Variants in FSTL5 observed in about 807,000 individuals in gnomAD.
FSTL5 encodes the protein follistatin like 5.
FSTL5 carries 62 observed loss-of-function variants against 89.1 expected under a neutral mutation model. The ratio of observed to expected loss-of-function variants is 0.70; its 90% CI spans 0.57 to 0.86. FSTL5 has a LOEUF of 0.86. Ranked by LOEUF, FSTL5 falls within the 40% of genes least tolerant of loss-of-function variation. The probability of loss-of-function intolerance (pLI) is 0.00; values close to 1 mark genes in which losing one functional copy is unlikely to be tolerated. For synonymous variants in FSTL5, 383 were observed against 346.2 expected (o/e 1.11, Z -1.18); for missense variants, 1,057 against 1,001.6 (o/e 1.06, Z -0.75).
chr4:162,048,613 A>G (rs1366484475), intron 2 of FSTL5, among the ~76,000 whole-genome samples: 3 of 151,982 alleles, frequency 2.0e-5, no homozygotes, highest in Non-Finnish European at 4.4e-5. Flanking sequence ...ACACACACAC[A>G]CACACACACA....
intron 1 of FSTL5, among the ~76,000 whole-genome samples, chr4:162,139,903 T>C (rs943594618): frequency 6.6e-6 from 1 of 152,086 alleles, no homozygotes; most frequent in African/African-American, 2.4e-5. Flanking sequence ...GTTTTATCTT[T>C]GTCATCAGCA....
intron 1 of FSTL5, among the ~76,000 whole-genome samples, chr4:162,144,159 G>C (rs947943267): frequency 2.0e-5 from 3 of 152,120 alleles, no homozygotes; most frequent in African/African-American, 7.2e-5. Context: ...CTAGAGACTG[G>C]TCTGCGGGAG....
chr4:161,387,440 A>G (rs1178459621), intron 15 of FSTL5: 2 of 152,060 alleles, frequency 1.3e-5, no homozygotes, highest in Non-Finnish European at 2.9e-5. Context: ...GTATTAAGAT[A>G]AAGCAAAACA....
At chr4:161,804,158 C>G (rs899421341) in intron 4 of FSTL5, among the ~76,000 whole-genome samples, 5 of 152,036 alleles carry the variant, frequency 3.3e-5, no homozygotes, top group Non-Finnish European at 5.9e-5. Context: ...TCACATCTCT[C>G]TGATTTCAAC....
At chr4:161,465,624 G>T (rs1171918941) in intron 13 of FSTL5, among the ~76,000 whole-genome samples, 1 of 152,076 alleles carries the variant, frequency 6.6e-6, no homozygotes, top group East Asian at 1.9e-4. Context: ...TGCTAGAAAA[G>T]TTGTTTTCAA....
chr4:161,641,476 T>G (rs2126668376), intron 7 of FSTL5, among the ~76,000 whole-genome samples: 1 of 151,676 alleles, frequency 6.6e-6, no homozygotes, highest in East Asian at 1.9e-4. Context: ...AGTTGGTAGA[T>G]ATCCAAATTA....
At chr4:161,839,714 A>C (rs1251216491) in intron 4 of FSTL5, among the ~76,000 whole-genome samples, 2 of 152,174 alleles carry the variant, frequency 1.3e-5, no homozygotes, top group Non-Finnish European at 2.9e-5. Context: ...CTGAGAAAGG[A>C]GGCTTCACTT....
intron 6 of FSTL5, among the ~76,000 whole-genome samples, chr4:161,676,742 T>TACACAC (rs1553957414): frequency 6.9e-6 from 1 of 144,710 alleles, no homozygotes; most frequent in African/African-American, 2.7e-5. Flanking sequence ...GGAAAATACA[T>TACACAC]ACACGCACAC....
chr4:162,160,359 A>G (rs1733647229), intron 1 of FSTL5, among the ~76,000 whole-genome samples: 1 of 151,858 alleles, frequency 6.6e-6, no homozygotes, highest in Admixed American at 6.6e-5. Flanking sequence ...TATTTCCACA[A>G]GGGATTCTAC....
intron 7 of FSTL5, among the ~76,000 whole-genome samples, chr4:161,621,267 TACACACACACACACACACACAC>T (rs146037793): frequency 6.8e-6 from 1 of 146,076 alleles, no homozygotes; most frequent in East Asian, 2.0e-4. Flanking sequence ...ATGTAAAGAC[TACACACACACACACACACACAC>T]ACACACACAC....
chr4:161,657,211 T>C lies in FSTL5; in HGVS notation c.728-717A>G, dbSNP rs11938346. Among the ~76,000 whole-genome samples the C allele has an allele frequency of 3.5e-3, 535 of 152,336 alleles. 2 individuals carry two copies. The highest frequency in any genetic ancestry group is 0.012 in the African/African-American group (498 of 41,576). On this transcript the variant is annotated intron_variant, in intron 6 of 15. Transcript: ENST00000306100. Reference sequence around the variant, plus strand: ...GCTTTCCTTTTTGGTTTTCAGATAATCCTTACCAATTAGGAGAATTATCAA... The same window carrying C: ...GCTTTCCTTTTTGGTTTTCAGATAACCCTTACCAATTAGGAGAATTATCAA...
intron 7 of FSTL5, among the ~76,000 whole-genome samples, chr4:161,591,588 G>C (rs1248839600): frequency 6.6e-6 from 1 of 152,032 alleles, no homozygotes; most frequent in Non-Finnish European, 1.5e-5. Context: ...TTGTGAGTAT[G>C]AAAAAATTAG....
rs539965785 is a variant in FSTL5 at position 161,407,785 on chromosome 4, C to A, written c.1842-21336G>T. Among the ~76,000 whole-genome samples the A allele has an allele frequency of 8.8e-4, 129 of 146,830 alleles. 1 individual carries two copies. The highest frequency in any genetic ancestry group is 7.1e-3 in the Middle Eastern group (2 of 282). On this transcript the variant is annotated intron_variant, in intron 15 of 15. Coordinates refer to ENST00000306100, the MANE Select transcript of FSTL5 (RefSeq NM_020116.5). ...TACAGCCCTCCCTGGGTCCTGGCTGCCTCATAGGAACATGTATATAGTGCA... is the reference window on the plus strand; with the variant it reads ...TACAGCCCTCCCTGGGTCCTGGCTGACTCATAGGAACATGTATATAGTGCA...
intron 6 of FSTL5, among the ~76,000 whole-genome samples, chr4:161,657,265 T>A (rs999398214): frequency 2.3e-4 from 35 of 152,232 alleles, no homozygotes; most frequent in African/African-American, 8.4e-4. Flanking sequence ...TCATGAGAGA[T>A]GACTAGGATA....
At chr4:161,461,576 T>C (rs1422254812) in intron 13 of FSTL5, among the ~76,000 whole-genome samples, 2 of 148,212 alleles carry the variant, frequency 1.3e-5, no homozygotes, top group African/African-American at 5.0e-5. Flanking sequence ...TACACAAACA[T>C]AGAACAGCTA....
At chr4:161,773,513 T>A (rs939268000) in intron 5 of FSTL5, among the ~76,000 whole-genome samples, 10 of 151,822 alleles carry the variant, frequency 6.6e-5, no homozygotes, top group African/African-American at 7.3e-5. Flanking sequence ...AAACAAAAAA[T>A]TTTATCAAAA....
At chr4:162,081,818 T>TCA (rs1553997811) in intron 2 of FSTL5, among the ~76,000 whole-genome samples, 11 of 133,370 alleles carry the variant, frequency 8.2e-5, no homozygotes, top group East Asian at 6.6e-4. Flanking sequence ...TCTCTCTCTC[T>TCA]CACACACACA....
intron 7 of FSTL5, among the ~76,000 whole-genome samples, chr4:161,654,306 C>T (rs1252822692): frequency 6.6e-6 from 1 of 151,986 alleles, no homozygotes; most frequent in Non-Finnish European, 1.5e-5. Context: ...GACCACAGCA[C>T]CCTCAAATAC....
intron 12 of FSTL5, among the ~76,000 whole-genome samples, chr4:161,482,683 G>C (rs1473285109): frequency 6.6e-6 from 1 of 152,118 alleles, no homozygotes; most frequent in African/African-American, 2.4e-5. Context: ...CCTTTCTCAG[G>C]CTGCATAACC....
Sources: gnomAD v4.1 joint callset for allele counts (sites outside exome capture counted in the v4.1 genomes callset) on GRCh38, gnomAD v4.1.1 for gene constraint, MANE v1.5 for transcripts, NCBI Gene and HGNC (gene_info 2026-07-23, HGNC 2026-07-21) for gene names.